The following FIRRM variants were observed in gnomAD, a reference collection of about 807,000 sequenced individuals.
The protein encoded by FIRRM is FIGNL1-interacting regulator of recombination and mitosis.
chr1:169,848,818 T>C, the FIRRM span, among the ~76,000 whole-genome samples: 5 of 152,244 alleles, frequency 3.3e-5, no homozygotes, highest in Admixed American at 6.5e-5. Flanking sequence ...GAAATCGCAG[T>C]GCCTTCTGTA....
the FIRRM span, among the ~76,000 whole-genome samples, chr1:169,811,689 TAGACAGATTATCTAAATAGATAATAGAC>T: frequency 3.6e-4 from 53 of 145,494 alleles, 1 homozygote; most frequent in Non-Finnish European, 5.5e-4. Context: ...AAATAGATAA[TAGACAGATTATCTAAATAGATAATAGAC>T]AGATTATCTA....
the FIRRM span, among the ~76,000 whole-genome samples, chr1:169,817,339 A>G: frequency 6.6e-6 from 1 of 152,212 alleles, no homozygotes; most frequent in African/African-American, 2.4e-5. Context: ...GATTAAAACA[A>G]GACAACAATT....
chr1:169,840,864 C>T, the FIRRM span, among the ~76,000 whole-genome samples: 1 of 152,080 alleles, frequency 6.6e-6, no homozygotes, highest in African/African-American at 2.4e-5. Context: ...AGAAATGGTA[C>T]TGATTTTTGT....
chr1:169,804,442 T>C, the FIRRM span: 1 of 324,852 alleles, frequency 3.1e-6, no homozygotes, highest in Non-Finnish European at 5.5e-6. Flanking sequence ...CGTATTTAGT[T>C]ACTGTAATTT....
chr1:169,785,542 G>A, the FIRRM span, among the ~76,000 whole-genome samples: 1 of 152,122 alleles, frequency 6.6e-6, no homozygotes, highest in African/African-American at 2.4e-5. Context: ...CTGGAGTTTG[G>A]CTGTCCAGCA....
At chr1:169,792,965 A>G in the FIRRM span, 4 of 1,614,000 alleles carry the variant, frequency 2.5e-6, no homozygotes, top group Non-Finnish European at 3.4e-6. Flanking sequence ...TGGCTCATTT[A>G]CATCATTTTC....
At chr1:169,833,332 A>G in the FIRRM span, among the ~76,000 whole-genome samples, 3 of 152,136 alleles carry the variant, frequency 2.0e-5, no homozygotes, top group African/African-American at 7.2e-5. Flanking sequence ...TGTTGGTACT[A>G]TCATTAAGTT....
the FIRRM span, among the ~76,000 whole-genome samples, chr1:169,838,949 C>T: frequency 8.5e-5 from 13 of 152,146 alleles, no homozygotes; most frequent in Non-Finnish European, 1.8e-4. Flanking sequence ...CCTCCCCCTA[C>T]TAGTCCCGTG....
the FIRRM span, chr1:169,829,314 A>G: frequency 6.2e-7 from 1 of 1,609,134 alleles, no homozygotes; most frequent in East Asian, 2.2e-5. Context: ...GTTCTGGTGA[A>G]CTCTCTCTAC....
At chr1:169,792,324 T>C in the FIRRM span, among the ~76,000 whole-genome samples, 4 of 152,174 alleles carry the variant, frequency 2.6e-5, no homozygotes, top group African/African-American at 7.2e-5. Context: ...AAAGGTCAAA[T>C]AGAATGAAGA....
chr1:169,817,784 A>T, the FIRRM span, among the ~76,000 whole-genome samples: 3 of 152,192 alleles, frequency 2.0e-5, no homozygotes, highest in Non-Finnish European at 4.4e-5. Context: ...AATTTTAATC[A>T]ATATAACCAT....
chr1:169,813,942 C>A, the FIRRM span, among the ~76,000 whole-genome samples: 2 of 152,136 alleles, frequency 1.3e-5, no homozygotes, highest in Admixed American at 6.6e-5. Flanking sequence ...AGTGCTTTTC[C>A]CCTAGGCCTG....
chr1:169,793,905 G>GAA, the FIRRM span: 227 of 221,204 alleles, frequency 1.0e-3, no homozygotes, highest in East Asian at 1.3e-3. Context: ...GCTCTGGAAA[G>GAA]AAAAAAAAAA....
chr1:169,813,730 C>T, the FIRRM span, among the ~76,000 whole-genome samples: 1 of 152,212 alleles, frequency 6.6e-6, no homozygotes, highest in South Asian at 2.1e-4. Context: ...ACATATAGCT[C>T]TTCAAGAAAG....
chr1:169,807,819 A>G, the FIRRM span: 1 of 1,603,690 alleles, frequency 6.2e-7, no homozygotes, highest in South Asian at 1.1e-5. Context: ...GTCCATAATA[A>G]AAAGCCAGTT....
the FIRRM span, among the ~76,000 whole-genome samples, chr1:169,801,465 AAAG>A: frequency 2.0e-5 from 3 of 151,074 alleles, no homozygotes; most frequent in African/African-American, 4.8e-5. Context: ...AAAAAAAAAA[AAAG>A]AACTTATATT....
the FIRRM span, among the ~76,000 whole-genome samples, chr1:169,807,042 A>G: frequency 6.6e-6 from 1 of 152,238 alleles, no homozygotes; most frequent in African/African-American, 2.4e-5. Flanking sequence ...TTTAAAAAGT[A>G]AATCAGATCA....
chr1:169,795,172 C>A, the FIRRM span: 1 of 1,536,098 alleles, frequency 6.5e-7, no homozygotes, highest in Non-Finnish European at 8.7e-7. Context: ...GCCAGAGGAG[C>A]TATGCCGCCG....
At chr1:169,829,497 C>G in the FIRRM span, 762 of 1,492,034 alleles carry the variant, frequency 5.1e-4, 11 homozygotes, top group South Asian at 9.7e-3. Flanking sequence ...CTTTTGCTTT[C>G]TCTTCATTGA....
Sources: gnomAD v4.1 joint callset for allele counts (sites outside exome capture counted in the v4.1 genomes callset) on GRCh38, gnomAD v4.1.1 for gene constraint, MANE v1.5 for transcripts, NCBI Gene and HGNC (gene_info 2026-07-23, HGNC 2026-07-21) for gene names.